Variants in PRKX observed in about 807,000 individuals in gnomAD.
PRKX encodes the protein protein kinase cAMP-dependent X-linked catalytic subunit, also known as cAMP-dependent protein kinase catalytic subunit PRKX.
Under a neutral mutation model 22.0 loss-of-function variants are expected in PRKX, and 12 were observed. That is an observed-to-expected ratio of 0.54 (90% CI 0.35 to 0.88). The LOEUF (loss-of-function observed/expected upper bound fraction) is 0.88. PRKX is among the 40% of genes least tolerant of loss of function. The probability of loss-of-function intolerance (pLI) is 0.01; values close to 1 mark genes in which losing one functional copy is unlikely to be tolerated. For missense variants in PRKX, 217 were observed against 308.0 expected, an observed-to-expected ratio of 0.70 and a Z score of 2.21; for synonymous variants, 134 against 137.7, an observed-to-expected ratio of 0.97 and a Z score of 0.19.
At chrX:3,700,903 C>T (rs925943123) in intron 1 of PRKX, among the ~76,000 whole-genome samples, 3 of 111,163 alleles carry the variant, frequency 2.7e-5, no homozygotes, top group African/African-American at 6.6e-5. Flanking sequence ...AAGCCCAGCC[C>T]GAAAATCAAT....
intron 2 of PRKX, among the ~76,000 whole-genome samples, chrX:3,669,410 C>T (rs1390421517): frequency 8.9e-6 from 1 of 112,170 alleles, no homozygotes; most frequent in African/African-American, 3.2e-5. Flanking sequence ...AACTTTTTGT[C>T]CCCCCATAGG....
intron 4 of PRKX, among the ~76,000 whole-genome samples, chrX:3,637,348 A>C (rs1926912859): frequency 9.0e-6 from 1 of 111,445 alleles, no homozygotes; most frequent in Admixed American, 9.5e-5. Context: ...GGAAGCAACA[A>C]GCGGGCTCCC....
intron 5 of PRKX, among the ~76,000 whole-genome samples, chrX:3,625,445 G>T (rs1490890441): frequency 8.9e-6 from 1 of 112,404 alleles, no homozygotes; most frequent in African/African-American, 3.2e-5. Flanking sequence ...GCTCTAGTTT[G>T]TGCCCAGGGG....
At chrX:3,660,838 G>A (rs953579495) in intron 2 of PRKX, among the ~76,000 whole-genome samples, 2 of 110,816 alleles carry the variant, frequency 1.8e-5, no homozygotes, top group African/African-American at 6.6e-5. Context: ...AGGATGATCT[G>A]TAGAGGAAGA....
At chrX:3,697,553 C>CT (rs1164690250) in intron 1 of PRKX, among the ~76,000 whole-genome samples, 20 of 98,380 alleles carry the variant, frequency 2.0e-4, no homozygotes, top group East Asian at 6.1e-4. Context: ...TTTTTTTTTT[C>CT]TTTTTTTTTT....
chrX:3,697,277 G>A (rs999690077), intron 1 of PRKX, among the ~76,000 whole-genome samples: 3 of 109,434 alleles, frequency 2.7e-5, no homozygotes, highest in Non-Finnish European at 5.7e-5. Context: ...GCGGCACGAG[G>A]ACTGCTTGAG....
intron 4 of PRKX, among the ~76,000 whole-genome samples, chrX:3,629,021 CAG>C (rs1926715240): frequency 8.9e-6 from 1 of 111,749 alleles, no homozygotes; most frequent in Admixed American, 9.6e-5. Context: ...GCCTGGGTGA[CAG>C]AGAGAGATGG....
At chrX:3,664,906 C>T (rs1927688158) in intron 2 of PRKX, among the ~76,000 whole-genome samples, 1 of 112,144 alleles carries the variant, frequency 8.9e-6, no homozygotes, top group Admixed American at 9.4e-5. Flanking sequence ...GCCCAAAGCT[C>T]ACCATAACAT....
intron 7 of PRKX, among the ~76,000 whole-genome samples, chrX:3,614,074 G>A (rs1469964266): frequency 9.1e-6 from 1 of 110,448 alleles, no homozygotes; most frequent in Non-Finnish European, 1.9e-5. Context: ...CAACCTAAGT[G>A]TCCACCAATG....
intron 4 of PRKX, among the ~76,000 whole-genome samples, chrX:3,634,907 T>C (rs1241058447): frequency 9.0e-6 from 1 of 111,432 alleles, no homozygotes; most frequent in African/African-American, 3.3e-5. Flanking sequence ...TCTCACTATG[T>C]TGCCCAGGCT....
intron 4 of PRKX, among the ~76,000 whole-genome samples, chrX:3,632,954 AT>A (rs1926814460): frequency 8.9e-6 from 1 of 112,832 alleles, no homozygotes; most frequent in African/African-American, 3.2e-5. Context: ...ACAGTGGCTC[AT>A]GCCTGTCATC....
At chrX:3,614,657 G>T (rs772357931) in intron 7 of PRKX, among the ~76,000 whole-genome samples, 1 of 110,693 alleles carries the variant, frequency 9.0e-6, no homozygotes, top group South Asian at 3.9e-4. Flanking sequence ...GGGAGATGAA[G>T]AAATATTGCA....
At chrX:3,648,004 G>A (rs1266718914) in intron 3 of PRKX, among the ~76,000 whole-genome samples, 3 of 111,250 alleles carry the variant, frequency 2.7e-5, no homozygotes, top group Admixed American at 9.8e-5. Flanking sequence ...GGCTTATTTC[G>A]TCCAATATCA....
intron 3 of PRKX, among the ~76,000 whole-genome samples, chrX:3,649,808 AGGAGGGAG>A (rs371864129): frequency 3.5e-4 from 8 of 22,991 alleles, no homozygotes; most frequent in Non-Finnish European, 4.5e-4. Context: ...GGGAGAGGAA[AGGAGGGAG>A]GGAGGGAGGG....
chrX:3,704,080 AC>A lies in PRKX; in HGVS notation c.166+9007del, dbSNP rs1408593100. 3.6e-5 allele frequency among the ~76,000 whole-genome samples: 4 copies of A among 111,722 alleles called. No homozygotes were observed. In the Admixed American group the frequency reaches 3.8e-4, roughly 11 times the overall value. ...AGCAAAATGTCCATCATCCTGTCTC[AC>A]CCAACACAGCACAGAATCGGAGACG... On this transcript the variant is annotated intron_variant, in intron 1 of 8. Coordinates refer to ENST00000262848, the MANE Select transcript of PRKX (RefSeq NM_005044.5).
chrX:3,641,808 T>C (rs1250349418), intron 4 of PRKX, 44 bp downstream of exon 4: 2 of 408,118 alleles, frequency 4.9e-6, no homozygotes, highest in Non-Finnish European at 8.4e-6. Context: ...GGGAAGGGGG[T>C]GCTGGCCTGT....
chrX:3,689,774 G>T (rs898885283), intron 1 of PRKX, among the ~76,000 whole-genome samples: 6 of 111,680 alleles, frequency 5.4e-5, no homozygotes, highest in South Asian at 3.7e-4. Flanking sequence ...TCAGGAGATC[G>T]AGACCATCCT....
chrX:3,629,414 G>T (rs763020283), intron 4 of PRKX, among the ~76,000 whole-genome samples: 1,160 of 91,528 alleles, frequency 0.013, 13 homozygotes, highest in African/African-American at 0.04. Flanking sequence ...CCAGGGTTTT[G>T]TTTTTTTTTT....
rs760385626 is a variant in PRKX at position 3,673,587 on chromosome X, G to T, written c.335+1011C>A. ...AGAGAGACGGGACCCAGATAAAGCA[G>T]AAGATGGATAGGTGGACAGGAGAGG... On this transcript the variant is annotated intron_variant, in intron 2 of 8. Coordinates refer to ENST00000262848, the MANE Select transcript of PRKX (RefSeq NM_005044.5). Among the ~76,000 whole-genome samples, 5 of 110,922 alleles carry T rather than the reference G, an allele frequency of 4.5e-5. No homozygotes were observed. The South Asian group carries it at 1.2e-3, about 26-fold the overall frequency.
Sources: gnomAD v4.1 joint callset for allele counts (sites outside exome capture counted in the v4.1 genomes callset) on GRCh38, gnomAD v4.1.1 for gene constraint, MANE v1.5 for transcripts, NCBI Gene and HGNC (gene_info 2026-07-23, HGNC 2026-07-21) for gene names.